AKAP6: variants seen among roughly 807,000 people sequenced by gnomAD.
AKAP6 encodes the protein A-kinase anchor protein 6.
In AKAP6, 58 loss-of-function variants were observed where a neutral mutation model predicts 188.5. The ratio of observed to expected loss-of-function variants is 0.31; its 90% CI spans 0.25 to 0.38. The LOEUF is 0.38. AKAP6 is among the 10% of genes least tolerant of loss of function. The pLI, the probability that AKAP6 is intolerant of heterozygous loss-of-function variation, is 1.00. For missense variants in AKAP6, 2,710 were observed against 2,740.0 expected, an observed-to-expected ratio of 0.99 and a Z score of 0.24; for synonymous variants, 989 against 998.6, an observed-to-expected ratio of 0.99 and a Z score of 0.18.
At chr14:32,825,385 G>A (rs796173858) in intron 13 of AKAP6, among the ~76,000 whole-genome samples, 13 of 152,266 alleles carry the variant, frequency 8.5e-5, no homozygotes, top group African/African-American at 3.1e-4. Flanking sequence ...CAAACAGGAG[G>A]GGAAAGTTGA....
At chr14:32,570,420 G>A (rs1406177049) in intron 4 of AKAP6, among the ~76,000 whole-genome samples, 1 of 151,902 alleles carries the variant, frequency 6.6e-6, no homozygotes, top group African/African-American at 2.4e-5. Flanking sequence ...GGGATTACAG[G>A]TGTGAGCCAC....
At chr14:32,717,508 A>G (rs2030281383) in intron 9 of AKAP6, among the ~76,000 whole-genome samples, 1 of 151,618 alleles carries the variant, frequency 6.6e-6, no homozygotes, top group Admixed American at 6.6e-5. Context: ...TCCCCTATTT[A>G]CTTATTAACT....
intron 2 of AKAP6, among the ~76,000 whole-genome samples, chr14:32,522,175 A>G (rs1201861518): frequency 6.6e-6 from 1 of 151,124 alleles, no homozygotes; most frequent in African/African-American, 2.4e-5. Context: ...TACACCTTAT[A>G]CAAAAATTAA....
chr14:32,774,075 C>G (rs1322278801), intron 12 of AKAP6, 182 bp downstream of exon 12: 7 of 621,122 alleles, frequency 1.1e-5, no homozygotes. Context: ...AACTAGCTGT[C>G]CACTAAATGA....
At chr14:32,429,972 G>A (rs887359897) in intron 1 of AKAP6, among the ~76,000 whole-genome samples, 1 of 152,162 alleles carries the variant, frequency 6.6e-6, no homozygotes, top group Non-Finnish European at 1.5e-5. Flanking sequence ...AGTCTTAAGT[G>A]GCAAACTTCT....
chr14:32,793,624 G>T (rs1180914075), intron 12 of AKAP6, among the ~76,000 whole-genome samples: 1 of 151,778 alleles, frequency 6.6e-6, no homozygotes, highest in Non-Finnish European at 1.5e-5. Flanking sequence ...CACTGAGACA[G>T]AAAATTAGCA....
chr14:32,783,807 G>A (rs541546623), intron 12 of AKAP6, among the ~76,000 whole-genome samples: 2 of 152,280 alleles, frequency 1.3e-5, no homozygotes, highest in South Asian at 2.1e-4. Context: ...ACTCATCTGA[G>A]ATTTGAACCT....
chr14:32,741,018 CTT>C (rs765988445), intron 11 of AKAP6, among the ~76,000 whole-genome samples: 7 of 136,734 alleles, frequency 5.1e-5, no homozygotes, highest in Non-Finnish European at 3.2e-5. Flanking sequence ...TTCCTTTTTT[CTT>C]TTTTTTTTTT....
At chr14:32,749,838 C>T (rs2032058469) in intron 11 of AKAP6, among the ~76,000 whole-genome samples, 1 of 152,132 alleles carries the variant, frequency 6.6e-6, no homozygotes, top group Non-Finnish European at 1.5e-5. Flanking sequence ...TAGGCCTAGC[C>T]TCTTCCTTTC....
At chr14:32,587,301 T>G (rs930264164) in intron 5 of AKAP6, among the ~76,000 whole-genome samples, 4 of 152,226 alleles carry the variant, frequency 2.6e-5, no homozygotes, top group African/African-American at 9.6e-5. Context: ...TAGGAAATTT[T>G]TAAAAAGTAT....
rs1253951670 is a variant in AKAP6, at chr14:32,833,858, A to T, written c.*4053A>T. 1 of 152,172 alleles carries T rather than the reference A, an allele frequency of 6.6e-6. No individual in the cohort carries two copies. Among genetic ancestry groups the T allele is most frequent in the Middle Eastern group, 3.2e-3 (1 of 316 alleles). The allele number at this position is 152,172 out of a possible 1,614,324, so 9.4% of individuals were successfully genotyped here. ...TTCAATTTTCATTTTGAAAAAATTC[A>T]GACCTATGTAAAAGTTGAGAGTAGA... On this transcript the variant is annotated 3_prime_UTR_variant, in exon 14 of 14. Coordinates refer to ENST00000280979, the MANE Select transcript of AKAP6 (RefSeq NM_004274.5).
At chr14:32,436,483 T>A (rs1205504195) in intron 2 of AKAP6, among the ~76,000 whole-genome samples, 1 of 152,222 alleles carries the variant, frequency 6.6e-6, no homozygotes, top group Non-Finnish European at 1.5e-5. Context: ...CTCCAAAATA[T>A]GCCCTAAAGT....
chr14:32,633,657 T>C (rs1887369214), intron 7 of AKAP6, among the ~76,000 whole-genome samples: 1 of 152,078 alleles, frequency 6.6e-6, no homozygotes, highest in African/African-American at 2.4e-5. Context: ...CATCCAGGAA[T>C]GAAGAATGAA....
At chr14:32,646,818 G>T (rs527241489) in intron 7 of AKAP6, among the ~76,000 whole-genome samples, 1 of 152,130 alleles carries the variant, frequency 6.6e-6, no homozygotes, top group African/African-American at 2.4e-5. Flanking sequence ...TGGCAATGGT[G>T]CATGAAAAAA....
chr14:32,821,332 T>TTG, intron 12 of AKAP6, 70 bp from the exon 13 acceptor site: 1 of 1,496,380 alleles, frequency 6.7e-7, no homozygotes, highest in South Asian at 1.4e-5. Context: ...CTGAGAGATT[T>TTG]TCAATGGATA....
Position 32,352,102 on chromosome 14 carries a change from TTTG to T in AKAP6, c.-35+22696_-35+22698del, listed in dbSNP as rs1566458707. Among the ~76,000 whole-genome samples, 722 of 96,846 alleles carry T rather than the reference TTTG, an allele frequency of 7.5e-3. 3 individuals carry two copies. Among genetic ancestry groups the T allele is most frequent in the African/African-American group, 0.042 (611 of 14,584 alleles). The allele number at this position is 96,846 out of a possible 152,430, so 63.5% of individuals were successfully genotyped here. The stretch of plus-strand genomic sequence containing the variant: ...GTGTGTGTGTGTGTGTGTGTGTGTG[TTTG>T]TGTGTGTGTGTGTGTGTGTGTGTGT... On this transcript the variant is annotated intron_variant, in intron 1 of 13. Coordinates refer to ENST00000280979, the MANE Select transcript of AKAP6 (RefSeq NM_004274.5).
At chr14:32,635,704 A>G (rs915472911) in intron 7 of AKAP6, among the ~76,000 whole-genome samples, 2 of 152,096 alleles carry the variant, frequency 1.3e-5, no homozygotes, top group Non-Finnish European at 2.9e-5. Flanking sequence ...CATTTTTATG[A>G]GAAAATTATG....
In AKAP6 at chr14:32,822,754, G is replaced by T; in HGVS notation, c.4941G>T (p.Glu1647Asp). 1.2e-6 allele frequency: 2 copies of T among 1,613,908 alleles called. No homozygotes were observed. Among genetic ancestry groups the T allele is most frequent in the Non-Finnish European group, 1.7e-6 (2 of 1,179,910 alleles). Residue 1647 changes from glutamate (E) to aspartate (D), a missense_variant, in exon 13 of 14, where the codon GAG (glutamate) becomes GAT (aspartate). Physicochemically the swap from Glu to Asp is conservative, Grantham distance 45. Around this residue, in one of 2 missense-constraint regions of AKAP6, gnomAD observed 2,473 missense variants for 2,426.1 expected, o/e 1.02. Transcript: ENST00000280979. ...NRLENIQSPS[E>D]QKIKRSVSDI... ...TGGAGAATATCCAGAGCCCCTCAGAGCAAAAGATAAAACGAAGTGTTTCTG... is the reference window on the plus strand; with the variant it reads ...TGGAGAATATCCAGAGCCCCTCAGATCAAAAGATAAAACGAAGTGTTTCTG...
At chr14:32,473,916 T>G (rs1168391724) in intron 2 of AKAP6, 1 of 152,586 alleles carries the variant, frequency 6.6e-6, no homozygotes, top group African/African-American at 2.4e-5. Context: ...CTTTTTCTTT[T>G]TTTGGGACAG....
Sources: gnomAD v4.1 joint callset for allele counts (sites outside exome capture counted in the v4.1 genomes callset) on GRCh38, gnomAD v4.1.1 for gene constraint, gnomAD v4.1.1 regional missense constraint, MANE v1.5 for transcripts, NCBI Gene and HGNC (gene_info 2026-07-23, HGNC 2026-07-21) for gene names.